DNAJC16: variants seen among roughly 807,000 people sequenced by gnomAD.
DNAJC16 encodes the protein dnaJ homolog subfamily C member 16.
A neutral mutation model predicts 92.7 loss-of-function variants in DNAJC16; 76 were observed. That is an observed-to-expected ratio of 0.82 (90% CI 0.68 to 0.99). DNAJC16 has a LOEUF of 0.99. DNAJC16 is among the 50% of genes least tolerant of loss of function. DNAJC16 has a pLI of 0.00. For synonymous variants in DNAJC16, 328 were observed against 358.7 expected (o/e 0.91, Z 0.97); for missense variants, 869 against 942.4 (o/e 0.92, Z 1.02).
At chr1:15,565,208 T>G (rs1638781239) in intron 11 of DNAJC16, 1 of 152,604 alleles carries the variant, frequency 6.6e-6, no homozygotes, top group East Asian at 1.9e-4. Context: ...GCTGCCATTC[T>G]GGGCAGCAGA....
intron 4 of DNAJC16, among the ~76,000 whole-genome samples, 157 bp downstream of exon 4, chr1:15,536,971 C>T (rs1421195604): frequency 6.6e-6 from 1 of 152,108 alleles, no homozygotes; most frequent in African/African-American, 2.4e-5. Flanking sequence ...CTGCCTCAAC[C>T]TCCCGAGTAG....
chr1:15,564,482 G>T, intron 11 of DNAJC16, 123 bp downstream of exon 11: 5 of 662,398 alleles, frequency 7.5e-6, no homozygotes, highest in African/African-American at 1.8e-5. Flanking sequence ...GTGGAAGAAC[G>T]TTTACACATT....
At chr1:15,531,193 C>G (rs1710651952) in intron 2 of DNAJC16, among the ~76,000 whole-genome samples, 1 of 152,174 alleles carries the variant, frequency 6.6e-6, no homozygotes, top group African/African-American at 2.4e-5. Flanking sequence ...TATCCAGAAG[C>G]AAAACTGCCA....
At position 15,536,720 on chromosome 1, in the gene DNAJC16, A is replaced by G. The variant is rs750078791; in HGVS notation, c.480A>G (p.Lys160=). The G allele has an allele frequency of 1.2e-6, 2 of 1,614,172 alleles. No homozygotes were observed. The highest frequency in any genetic ancestry group is 1.7e-6 in the Non-Finnish European group (2 of 1,180,028). Residue 160 remains lysine (K), a synonymous_variant, in exon 4 of 15, where the codon AAA becomes AAG. Transcript: ENST00000375847. ...VNEVVPDSFK[K]PYLIKITSDW... ...AAGTGGTTCCAGATAGCTTCAAGAA[A>G]CCCTACCTCATCAAGATCACCTCCG... is the stretch of plus-strand genomic sequence containing the variant.
chr1:15,544,669 CCT>C, intron 5 of DNAJC16, 86 bp downstream of exon 5: 1 of 1,311,210 alleles, frequency 7.6e-7, no homozygotes, highest in Non-Finnish European at 1.1e-6. Flanking sequence ...TTTCTGTAGT[CCT>C]CTCAAACCTG....
At chr1:15,546,914 T>TA in intron 6 of DNAJC16, 43 bp downstream of exon 6, 42 of 1,258,952 alleles carry the variant, frequency 3.3e-5, no homozygotes, top group Non-Finnish European at 4.3e-5. Flanking sequence ...TCTTTTCTTT[T>TA]CTTTTTTTTT....
Position 15,560,063 on chromosome 1 carries a change from C to CAA in DNAJC16, c.1154+426_1154+427dup, listed in dbSNP as rs34204724. The CAA allele has an allele frequency of 7.4e-3, 552 of 74,832 alleles. 9 individuals are homozygous for CAA. Among genetic ancestry groups the CAA allele is most frequent in the African/African-American group, 0.018 (412 of 22,654 alleles). 4.6% of individuals were successfully genotyped at this position (74,832 alleles called of 1,614,324 possible). A position where few individuals can be genotyped will look rare whatever the true frequency, so the allele number is the denominator to read the frequency against. On this transcript the variant is annotated intron_variant, in intron 8 of 14. Coordinates refer to ENST00000375847, the MANE Select transcript of DNAJC16 (RefSeq NM_015291.4). ...GGGCAACAAGAGTGAAACTCTGTCTCAAAAAAAAAAAAAAAAAAAACACTG... is the reference window on the plus strand; with the variant it reads ...GGGCAACAAGAGTGAAACTCTGTCTCAAAAAAAAAAAAAAAAAAAAAACACTG...
intron 7 of DNAJC16, among the ~76,000 whole-genome samples, chr1:15,551,638 G>C (rs1638445043): frequency 6.6e-6 from 1 of 150,700 alleles, no homozygotes; most frequent in South Asian, 2.1e-4. Flanking sequence ...GTTTTTTAGA[G>C]GATCTCACTC....
At chr1:15,551,627 T>C (rs887110128) in intron 7 of DNAJC16, among the ~76,000 whole-genome samples, 1 of 151,894 alleles carries the variant, frequency 6.6e-6, no homozygotes, top group Admixed American at 6.6e-5. Context: ...CTTTTGTTTT[T>C]GTTTTTTAGA....
intron 9 of DNAJC16, 133 bp from the exon 10 acceptor site, chr1:15,563,796 G>T: frequency 1.2e-6 from 1 of 866,784 alleles, no homozygotes; most frequent in Non-Finnish European, 1.7e-6. Flanking sequence ...CTTGCAGTGA[G>T]CCAAGATCAC....
At chr1:15,562,420 C>T (rs1570928817) in intron 9 of DNAJC16, 95 bp downstream of exon 9, 3 of 1,258,822 alleles carry the variant, frequency 2.4e-6, no homozygotes, top group East Asian at 2.5e-5. Context: ...AATACAGATT[C>T]TAGGAAATCT....
At chr1:15,533,147 T>C (rs1014739728) in intron 2 of DNAJC16, among the ~76,000 whole-genome samples, 3 of 152,230 alleles carry the variant, frequency 2.0e-5, no homozygotes, top group African/African-American at 7.2e-5. Context: ...AACACTGATT[T>C]AGGTCTTAGG....
intron 4 of DNAJC16, among the ~76,000 whole-genome samples, chr1:15,540,738 A>T (rs910935183): frequency 6.6e-6 from 1 of 152,104 alleles, no homozygotes; most frequent in Non-Finnish European, 1.5e-5. Flanking sequence ...TGCCCAGCCA[A>T]CTTTTCAGTT....
At chr1:15,540,960 A>G (rs1710918863) in intron 4 of DNAJC16, among the ~76,000 whole-genome samples, 1 of 152,194 alleles carries the variant, frequency 6.6e-6, no homozygotes, top group East Asian at 1.9e-4. Context: ...TGGAGGCAGT[A>G]AGAAGTCCAG....
intron 4 of DNAJC16, among the ~76,000 whole-genome samples, chr1:15,544,148 G>GCACACACACACACACACACACACA: frequency 2.9e-5 from 2 of 69,444 alleles, no homozygotes; most frequent in Middle Eastern, 7.0e-3. Flanking sequence ...TTATGTATAT[G>GCACACACACACACACACACACACA]CATACACACA....
At chr1:15,543,646 CAG>C (rs1431284178) in intron 4 of DNAJC16, among the ~76,000 whole-genome samples, 2 of 152,082 alleles carry the variant, frequency 1.3e-5, no homozygotes, top group African/African-American at 2.4e-5. Flanking sequence ...TGTCAGGAGA[CAG>C]GGAGAAATAG....
chr1:15,562,685 G>A (rs1309421823), intron 9 of DNAJC16, among the ~76,000 whole-genome samples: 7 of 151,196 alleles, frequency 4.6e-5, no homozygotes, highest in South Asian at 2.1e-4. Flanking sequence ...ATAGGGTTTC[G>A]ACATGTTGCC....
chr1:15,562,489 T>G (rs2103425953), intron 9 of DNAJC16, among the ~76,000 whole-genome samples, 164 bp downstream of exon 9: 1 of 151,810 alleles, frequency 6.6e-6, no homozygotes, highest in Admixed American at 6.6e-5. Flanking sequence ...TCTTGATTTT[T>G]TTTTTTTTCT....
At chr1:15,562,467 G>T in intron 9 of DNAJC16, 142 bp downstream of exon 9, 4 of 905,132 alleles carry the variant, frequency 4.4e-6, no homozygotes, top group Non-Finnish European at 4.6e-6. Context: ...CTACTCTTTT[G>T]TTTTTCCTTT....
Sources: allele counts gnomAD v4.1 joint callset (sites outside exome capture counted in the v4.1 genomes callset), GRCh38; gene constraint gnomAD v4.1.1; transcripts MANE v1.5; gene names NCBI Gene and HGNC (gene_info 2026-07-23, HGNC 2026-07-21).